The following SCN3A variants were observed in gnomAD, a reference collection of about 807,000 sequenced individuals.
SCN3A encodes sodium voltage-gated channel alpha subunit 3, also known as sodium channel protein type 3 subunit alpha.
SCN3A carries 60 observed loss-of-function variants against 187.6 expected under a neutral mutation model. The observed-to-expected ratio is 0.32, with a 90% CI of 0.26 to 0.40. The LOEUF (loss-of-function observed/expected upper bound fraction) is 0.40, where lower values mean the gene tolerates loss of function less well. Among genes scored for constraint, SCN3A ranks in the 10% least tolerant of loss-of-function variants. SCN3A has a pLI of 1.00. For synonymous variants in SCN3A, 788 were observed against 829.2 expected, an observed-to-expected ratio of 0.95 and a Z score of 0.85; for missense variants, 1,601 against 2,428.2, an observed-to-expected ratio of 0.66 and a Z score of 7.16.
At chr2:165,121,588 G>A (rs1176422647) in intron 18 of SCN3A, among the ~76,000 whole-genome samples, 1 of 151,044 alleles carries the variant, frequency 6.6e-6, no homozygotes, top group African/African-American at 2.4e-5. Context: ...CATTTTTTTT[G>A]CATTCTGCAA....
intron 9 of SCN3A, among the ~76,000 whole-genome samples, chr2:165,159,713 T>C (rs1689246215): frequency 2.2e-5 from 3 of 133,862 alleles, no homozygotes. Flanking sequence ...GCAAATATTG[T>C]CTTCCAGTTG....
rs754985191 is a variant in SCN3A at position 165,090,714 on chromosome 2, G to A, written c.5439C>T (p.Leu1813=). ...GATCCAGGGCAGCTGCAAAATCAGA[G>A]AGTTTAGAGAACTCTATAAACTGGG... ...DATQFIEFSK[L]SDFAAALDPP... is the part of the protein sequence containing the mutation. The change falls in exon 28 of 28, where the codon CTC becomes CTT. Residue 1813 remains leucine (L), a synonymous_variant. Transcript: ENST00000283254. This position sits in a 1 kb window ranked among gnomAD's most constrained non-coding sequence, Gnocchi z 4.0. The A allele has an allele frequency of 1.9e-6, 3 of 1,613,922 alleles. No individual in the cohort carries two copies. The highest frequency in any genetic ancestry group is 2.7e-5 in the African/African-American group (2 of 74,892).
rs370936969 is a variant in SCN3A at position 165,147,021 on chromosome 2, C to T, written c.1389G>A (p.Ala463=). ...KKQQEEAQAV[A]AASAASRDFS... ...AATCTCTTGAAGCAGCTGATGCTGC[C>T]GCAACTGCCTGTCATAAAACAAAGC... The change falls in exon 12 of 28, where the codon GCG becomes GCA. Residue 463 remains alanine (A), a synonymous_variant. Transcript: ENST00000283254. 2.4e-5 allele frequency: 38 copies of T among 1,613,762 alleles called. No individual in the cohort carries two copies. The highest frequency in any genetic ancestry group is 9.3e-5 in the African/African-American group (7 of 74,890).
chr2:165,097,599 G>A, intron 22 of SCN3A, 75 bp from the exon 23 acceptor site: 2 of 1,539,694 alleles, frequency 1.3e-6, no homozygotes, highest in East Asian at 2.2e-5. Context: ...TATTTGTTTA[G>A]TATTAATATG....
intron 15 of SCN3A, among the ~76,000 whole-genome samples, chr2:165,132,229 G>C (rs1044397905): frequency 2.6e-5 from 4 of 152,024 alleles, no homozygotes; most frequent in East Asian, 1.9e-4. Context: ...AGATTCAATG[G>C]CATCCCCATC....
rs765726856 is a variant in SCN3A at position 165,162,652 on chromosome 2, T to C, written c.871A>G (p.Thr291Ala). 1 of 1,614,154 alleles carries C rather than the reference T, an allele frequency of 6.2e-7. No individual in the cohort carries two copies. The highest frequency in any genetic ancestry group is 8.5e-7 in the Non-Finnish European group (1 of 1,180,026). ...PPSDSAFETNTTSYFNGTMDS... is the reference protein window; with the variant it reads ...PPSDSAFETNATSYFNGTMDS... ...ATTGTGCCATTAAAGTAGGAAGTGG[T>C]GTTGGTTTCAAAAGCAGAATCGCTT... The change falls in exon 8 of 28, where the codon ACC becomes GCC. Residue 291 changes from threonine to alanine, a missense_variant. Coordinates refer to ENST00000283254, the MANE Select transcript of SCN3A (RefSeq NM_006922.4).
At position 165,122,238 on chromosome 2, in the gene SCN3A, T is replaced by TC. The variant is rs1232206169; in HGVS notation, c.3393+5392dup. 3.4e-5 allele frequency among the ~76,000 whole-genome samples: 4 copies of TC among 119,274 alleles called. No individual in the cohort carries two copies. The Admixed American group carries it at 3.5e-4, about 11-fold the overall frequency. The allele number at this position is 119,274 out of a possible 152,430, so 78.2% of individuals were successfully genotyped here. On this transcript the variant is annotated intron_variant, in intron 18 of 27. Coordinates refer to ENST00000283254, the MANE Select transcript of SCN3A (RefSeq NM_006922.4). ...TTCTTTTTTCTTTCTTTCTTTTTTT[T>TC]CTTTTTTTTTTTTTTTACAGAACCT... is the stretch of plus-strand genomic sequence containing the variant.
In SCN3A at chr2:165,090,218, C is replaced by T. The variant is rs867557645; in HGVS notation, c.5935G>A (p.Glu1979Lys). The T allele has an allele frequency of 6.2e-7, 1 of 1,608,056 alleles. No homozygotes were observed. The highest frequency in any genetic ancestry group is 8.5e-7 in the Non-Finnish European group (1 of 1,176,054). ...SYDSVTKPDK[E>K]KFEKDKPEKE... is the part of the protein sequence containing the mutation. Reference sequence around the variant, plus strand: ...TCTGGTTTGTCTTTCTCAAACTTTTCCTTGTCTGGTTTTGTTACACTATCA... The same window carrying T: ...TCTGGTTTGTCTTTCTCAAACTTTTTCTTGTCTGGTTTTGTTACACTATCA... Residue 1979 changes from glutamate (E) to lysine (K), a missense_variant, in exon 28 of 28, where the codon GAA becomes AAA. This residue lies in a region of SCN3A where 87 missense variants were observed against 89.2 expected (regional missense o/e 0.98). Coordinates refer to ENST00000283254, the MANE Select transcript of SCN3A (RefSeq NM_006922.4). The surrounding 1 kb of genome is among the most constrained non-coding windows in gnomAD (Gnocchi z 4.0).
chr2:165,198,178 A>T (rs766728084), intron 1 of SCN3A, among the ~76,000 whole-genome samples: 2 of 151,994 alleles, frequency 1.3e-5, no homozygotes, highest in Non-Finnish European at 2.9e-5. Flanking sequence ...GAAAATAGCA[A>T]TAGAAAAAAA....
intron 18 of SCN3A, among the ~76,000 whole-genome samples, chr2:165,126,503 CTTCT>C (rs143280615): frequency 0.17 from 24,167 of 138,572 alleles, 2,020 homozygotes; most frequent in Middle Eastern, 0.24. Flanking sequence ...TCTTTCTTTC[CTTCT>C]TTTTTTCTCT....
At chr2:165,202,573 GT>G (rs1296111133) in intron 1 of SCN3A, among the ~76,000 whole-genome samples, 1 of 152,002 alleles carries the variant, frequency 6.6e-6, no homozygotes, top group Non-Finnish European at 1.5e-5. Flanking sequence ...ATTTTGAAAT[GT>G]TTTTGGGGGG....
At chr2:165,195,293 C>T (rs1200952523) in intron 1 of SCN3A, 1 of 152,102 alleles carries the variant, frequency 6.6e-6, no homozygotes, top group Admixed American at 6.6e-5. Flanking sequence ...GATGCCCTGC[C>T]GTGTGCCAGG....
rs546233926 is a variant in SCN3A, at chr2:165,092,374, G to A, written c.4687C>T (p.Leu1563=). The A allele has an allele frequency of 1.2e-6, 2 of 1,613,966 alleles. No homozygotes were observed. Among genetic ancestry groups the A allele is most frequent in the South Asian group, 2.2e-5 (2 of 91,086 alleles). Residue 1563 remains leucine, a synonymous_variant, in exon 27 of 28, where the codon CTA becomes TTA. Coordinates refer to ENST00000283254, the MANE Select transcript of SCN3A (RefSeq NM_006922.4). The surrounding 1 kb of genome is among the most constrained non-coding windows in gnomAD (Gnocchi z 4.2). The part of the protein sequence containing the change: ...YMTLVLSRIN[L]VFIVLFTGEF... ...CCAGTGAACAGAACAATGAACACTA[G>A]GTTGATCCGGGACAAAACTAGGGTC...
At chr2:165,106,240 CTT>C (rs1685851371) in intron 21 of SCN3A, among the ~76,000 whole-genome samples, 1 of 152,088 alleles carries the variant, frequency 6.6e-6, no homozygotes, top group Non-Finnish European at 1.5e-5. Flanking sequence ...AAAATGAAGA[CTT>C]TGAATCAGGT....
In SCN3A at chr2:165,119,383, T is replaced by C. The variant is rs114814432; in HGVS notation, c.3394-3808A>G. Among the ~76,000 whole-genome samples, 455 of 152,338 alleles carry C rather than the reference T, an allele frequency of 3.0e-3. 3 individuals are homozygous for C. Among genetic ancestry groups the C allele is most frequent in the African/African-American group, 0.01 (436 of 41,580 alleles). On this transcript the variant is annotated intron_variant, in intron 18 of 27. Coordinates refer to ENST00000283254, the MANE Select transcript of SCN3A (RefSeq NM_006922.4). ...AATTAAATTGTGAATCACCTTCTTA[T>C]TAAATTACATCAGCTTACGAATTAT...
At chr2:165,124,692 G>A (rs1486444687) in intron 18 of SCN3A, among the ~76,000 whole-genome samples, 1 of 152,070 alleles carries the variant, frequency 6.6e-6, no homozygotes, top group East Asian at 1.9e-4. Context: ...AAACTGGGTA[G>A]CCCTTTTTAA....
chr2:165,134,940 T>G (rs1233181127), intron 15 of SCN3A, among the ~76,000 whole-genome samples: 1 of 151,944 alleles, frequency 6.6e-6, no homozygotes, highest in African/African-American at 2.4e-5. Context: ...TACCCTAAAT[T>G]TACGCTTATC....
In SCN3A at chr2:165,144,956, T is replaced by C. The variant is rs73969194; in HGVS notation, c.1671+1783A>G. Among the ~76,000 whole-genome samples the C allele has an allele frequency of 5.2e-3, 786 of 152,334 alleles. 2 individuals are homozygous for C. Among genetic ancestry groups the C allele is most frequent in the African/African-American group, 0.018 (751 of 41,586 alleles). Reference sequence around the variant, plus strand: ...GAAACAATAAAGGAACTAATACTGCTATCAAATTATGTATATACATTTGTT... The same window carrying C: ...GAAACAATAAAGGAACTAATACTGCCATCAAATTATGTATATACATTTGTT... On this transcript the variant is annotated intron_variant, in intron 12 of 27. Transcript: ENST00000283254.
intron 3 of SCN3A, among the ~76,000 whole-genome samples, chr2:165,172,914 G>A (rs866563076): frequency 1.3e-5 from 2 of 152,118 alleles, no homozygotes; most frequent in South Asian, 2.1e-4. Context: ...AAATACTAAT[G>A]TCCTGCATAG....
Sources: gnomAD v4.1 joint callset for allele counts (sites outside exome capture counted in the v4.1 genomes callset) on GRCh38, gnomAD v4.1.1 for gene constraint, gnomAD v4.1.1 regional missense constraint, Gnocchi (gnomAD v3.1) non-coding constraint, MANE v1.5 for transcripts, NCBI Gene and HGNC (gene_info 2026-07-23, HGNC 2026-07-21) for gene names.